RARA: variants seen among roughly 807,000 people sequenced by gnomAD.
The protein encoded by RARA is PML-DDX5-RARA fusion.
In RARA, 5 loss-of-function variants were observed where a neutral mutation model predicts 42.8. That is an observed-to-expected ratio of 0.12 (90% CI 0.06 to 0.25). The LOEUF (loss-of-function observed/expected upper bound fraction) is 0.25. Ranked by LOEUF, RARA falls within the 10% of genes least tolerant of loss-of-function variation. RARA has a pLI of 1.00. For missense variants in RARA, 402 were observed against 628.7 expected (o/e 0.64, Z 3.86); for synonymous variants, 256 against 259.5 (o/e 0.99, Z 0.13).
In RARA at chr17:40,309,281, G is replaced by C. The variant is rs1159175711; in HGVS notation, c.-368G>C. On this transcript the variant is annotated 5_prime_UTR_variant, in exon 1 of 9. Transcript: ENST00000254066. ...ATCGGCCCCCTGCCAGCACACACCTGAGCAGGTAGGACCATGCACACCCCT... is the reference window on the plus strand; with the variant it reads ...ATCGGCCCCCTGCCAGCACACACCTCAGCAGGTAGGACCATGCACACCCCT... The C allele has an allele frequency of 6.6e-6, 1 of 152,454 alleles. No homozygotes were observed. The highest frequency in any genetic ancestry group is 1.5e-5 in the Non-Finnish European group (1 of 68,222). The allele number at this position is 152,454 out of a possible 1,614,324, so 9.4% of individuals were successfully genotyped here.
Position 40,352,007 on chromosome 17 carries a change from G to A in RARA, c.567G>A (p.Glu189=), listed in dbSNP as rs2143498232. The part of the protein sequence containing the change: ...TLTPEVGELI[E]KVRKAHQETF... ...CGCCGGAGGTGGGGGAGCTCATTGA[G>A]AAGGTGCGCAAAGCGCACCAGGAAA... The change falls in exon 5 of 9, where the codon GAG becomes GAA. Residue 189 remains glutamate, a synonymous_variant. Transcript: ENST00000254066. This position sits in a 1 kb window ranked among gnomAD's most constrained non-coding sequence, Gnocchi z 4.9. 1 of 1,601,058 alleles carries A rather than the reference G, an allele frequency of 6.2e-7. No homozygotes were observed. Among genetic ancestry groups the A allele is most frequent in the Non-Finnish European group, 8.5e-7 (1 of 1,175,878 alleles).
chr17:40,340,714 A>C (rs2034007455), intron 2 of RARA, among the ~76,000 whole-genome samples: 1 of 152,190 alleles, frequency 6.6e-6, no homozygotes. Flanking sequence ...TCAGTTTGCA[A>C]TTGTGTGTGC....
intron 6 of RARA, among the ~76,000 whole-genome samples, chr17:40,353,425 G>A (rs532461636): frequency 3.9e-5 from 6 of 152,150 alleles, no homozygotes; most frequent in Admixed American, 1.3e-4. Context: ...GGGAACCTGG[G>A]ATTTGACGAG....
intron 2 of RARA, among the ~76,000 whole-genome samples, chr17:40,336,753 T>C (rs925835518): frequency 6.6e-6 from 1 of 152,054 alleles, no homozygotes; most frequent in African/African-American, 2.4e-5. Context: ...TGGAGTGCAG[T>C]GGCTCGATCT....
chr17:40,310,536 G>A (rs530245523), intron 1 of RARA, among the ~76,000 whole-genome samples: 14 of 152,126 alleles, frequency 9.2e-5, no homozygotes, highest in African/African-American at 2.9e-4. Context: ...ATGGCTCCCC[G>A]GGTCCCCTAA....
rs1282350974 is a variant in RARA at position 40,346,960 on chromosome 17, C to A, written c.179-1356C>A. Among the ~76,000 whole-genome samples, 3 of 152,218 alleles carry A rather than the reference C, an allele frequency of 2.0e-5. 1 individual carries two copies. Among genetic ancestry groups the A allele is most frequent in the Admixed American group, 2.0e-4 (3 of 15,288 alleles). On this transcript the variant is annotated intron_variant, in intron 2 of 8. Transcript: ENST00000254066. ...CTGCCAAGGTTGTTGGCCTAGTTCC[C>A]TGTCATCAGCCGCCTAGCAGCCCCC...
At position 40,355,487 on chromosome 17, in the gene RARA, C is replaced by T; in HGVS notation, c.1171+66C>T. Reference sequence around the variant, plus strand: ...CTGGCCCAGGCCCCCACATCCAAGCCAGCACCCCATGTCTTTGTGCCAGGA... The same window carrying T: ...CTGGCCCAGGCCCCCACATCCAAGCTAGCACCCCATGTCTTTGTGCCAGGA... On this transcript the variant is annotated intron_variant, in intron 8 of 8. Coordinates refer to ENST00000254066, the MANE Select transcript of RARA (RefSeq NM_000964.4). This position sits in a 1 kb window ranked among gnomAD's most constrained non-coding sequence, Gnocchi z 4.1. 1 of 1,536,494 alleles carries T rather than the reference C, an allele frequency of 6.5e-7. No homozygotes were observed. The highest frequency in any genetic ancestry group is 1.4e-5 in the African/African-American group (1 of 72,994).
intron 1 of RARA, among the ~76,000 whole-genome samples, chr17:40,309,996 TG>T (rs904562950): frequency 2.0e-4 from 30 of 151,960 alleles, no homozygotes; most frequent in Admixed American, 2.0e-3. Flanking sequence ...TGGATAGAGG[TG>T]GCTGCATGCA....
rs1031628383 is a variant in RARA at position 40,355,321 on chromosome 17, G to A, written c.1071G>A (p.Glu357=). 1.2e-6 allele frequency: 2 copies of A among 1,609,994 alleles called. No individual in the cohort carries two copies. The highest frequency in any genetic ancestry group is 1.7e-6 in the Non-Finnish European group (2 of 1,178,106). The part of the protein sequence containing the change: ...RVDMLQEPLL[E]ALKVYVRKRR... ...ACATGCTGCAGGAGCCGCTGCTGGA[G>A]GCGCTAAAGGTCTACGTGCGGAAGC... Residue 357 remains glutamate, a synonymous_variant, in exon 8 of 9, where the codon GAG becomes GAA. Coordinates refer to ENST00000254066, the MANE Select transcript of RARA (RefSeq NM_000964.4). This position sits in a 1 kb window ranked among gnomAD's most constrained non-coding sequence, Gnocchi z 4.1.
intron 3 of RARA, 144 bp downstream of exon 3, chr17:40,348,608 C>T: frequency 2.8e-6 from 3 of 1,073,920 alleles, no homozygotes; most frequent in Non-Finnish European, 3.8e-6. Flanking sequence ...CAAGCAGGGA[C>T]ACCTACCACA....
At chr17:40,342,726 G>C (rs758804805) in intron 2 of RARA, 1 of 1,612,376 alleles carries the variant, frequency 6.2e-7, no homozygotes. Context: ...TGTAGAAGTG[G>C]GGGGTCCCAC....
intron 1 of RARA, among the ~76,000 whole-genome samples, chr17:40,314,816 T>A (rs2033160921): frequency 6.6e-6 from 1 of 150,502 alleles, no homozygotes; most frequent in Non-Finnish European, 1.5e-5. Context: ...CTCCCCCGGA[T>A]GCAGCTGAGT....
intron 1 of RARA, among the ~76,000 whole-genome samples, chr17:40,310,359 TGTGA>T (rs2033072177): frequency 6.6e-6 from 1 of 150,434 alleles, no homozygotes; most frequent in Admixed American, 6.6e-5. Context: ...ACTTACCATG[TGTGA>T]GTGTGTGTCT....
At chr17:40,344,546 T>A (rs2034188823) in intron 2 of RARA, among the ~76,000 whole-genome samples, 1 of 152,054 alleles carries the variant, frequency 6.6e-6, no homozygotes. Context: ...ACAGCTCAGC[T>A]CTTCCTGGCC....
At chr17:40,342,182 C>G (rs2034080472) in intron 2 of RARA, 1 of 1,051,238 alleles carries the variant, frequency 9.5e-7, no homozygotes, top group Non-Finnish European at 1.1e-6. Context: ...CACCAGAGAC[C>G]GAGCGAGTCG....
intron 2 of RARA, among the ~76,000 whole-genome samples, chr17:40,335,877 C>T (rs2143317508): frequency 6.8e-6 from 1 of 146,224 alleles, no homozygotes; most frequent in East Asian, 2.1e-4. Flanking sequence ...GTAGCGTGTG[C>T]CTATAGTCTC....
Position 40,331,414 on chromosome 17 carries a change from G to T in RARA, c.178+18G>T, listed in dbSNP as rs759411427. 3.7e-6 allele frequency: 6 copies of T among 1,608,252 alleles called. No homozygotes were observed. In the South Asian group the frequency reaches 6.6e-5, roughly 18 times the overall value. ...CCCAGCCAGTAAGTCTGGGTGTGGG[G>T]GCTGGGGTGGGAAGGGACTGTGGAG... is the stretch of plus-strand genomic sequence containing the variant. On this transcript the variant is annotated intron_variant, in intron 2 of 8. Coordinates refer to ENST00000254066, the MANE Select transcript of RARA (RefSeq NM_000964.4).
intron 2 of RARA, chr17:40,342,635 G>A: frequency 6.5e-7 from 1 of 1,541,924 alleles, no homozygotes. Context: ...CTCGGATGGC[G>A]CCGCCGGCTG....
rs755958399 is a variant in RARA at position 40,331,199 on chromosome 17, TCTGA to T, written c.-16_-13del. On this transcript the variant is annotated 5_prime_UTR_variant, in exon 2 of 9. Transcript: ENST00000254066. ...CCCCTGCCAGACTGTCTGCCTCCCTTCTGACTGTGGCCGCTTGGCATGGCCAGCA... is the reference window on the plus strand; with the variant it reads ...CCCCTGCCAGACTGTCTGCCTCCCTTCTGTGGCCGCTTGGCATGGCCAGCA... 2.4e-5 allele frequency: 39 copies of T among 1,599,276 alleles called. No individual in the cohort carries two copies. The highest frequency in any genetic ancestry group is 3.5e-4 in the Middle Eastern group (2 of 5,768).
Sources: gnomAD v4.1 joint callset for allele counts (sites outside exome capture counted in the v4.1 genomes callset) on GRCh38, gnomAD v4.1.1 for gene constraint, Gnocchi (gnomAD v3.1) non-coding constraint, MANE v1.5 for transcripts, NCBI Gene and HGNC (gene_info 2026-07-23, HGNC 2026-07-21) for gene names.